Variants in CCDC81 observed in about 807,000 individuals in gnomAD.
CCDC81 encodes coiled-coil domain-containing protein 81.
Under a neutral mutation model 83.7 loss-of-function variants are expected in CCDC81, and 79 were observed. That is an observed-to-expected ratio of 0.94 (90% CI 0.79 to 1.14). The LOEUF (loss-of-function observed/expected upper bound fraction) is 1.14. Ranked by LOEUF, CCDC81 falls within the 50% of genes most tolerant of loss-of-function variation. The pLI is 0.00. For missense variants in CCDC81, 791 were observed against 778.1 expected (o/e 1.02, Z -0.20); for synonymous variants, 252 against 278.1 (o/e 0.91, Z 0.93).
Position 86,412,369 on chromosome 11 carries a change from G to C in CCDC81, c.1219-18G>C, listed in dbSNP as rs747811942. On this transcript the variant is annotated intron_variant, in intron 10 of 14. Coordinates refer to ENST00000445632, the MANE Select transcript of CCDC81 (RefSeq NM_001156474.2). ...TTCAGTACTCTAGCATAAATGAATT[G>C]CTTCTCTTTCATTCTAGAAATCCTT... The C allele has an allele frequency of 6.4e-7, 1 of 1,552,752 alleles. No individual in the cohort carries two copies. Among genetic ancestry groups the C allele is most frequent in the Non-Finnish European group, 8.7e-7 (1 of 1,149,554 alleles).
chr11:86,401,839 A>C (rs920932672), intron 7 of CCDC81, among the ~76,000 whole-genome samples: 5 of 152,194 alleles, frequency 3.3e-5, no homozygotes, highest in African/African-American at 1.2e-4. Context: ...TTCCTGTAGA[A>C]GTTAACCAAA....
intron 5 of CCDC81, among the ~76,000 whole-genome samples, chr11:86,395,995 G>A (rs1948404578): frequency 6.6e-6 from 1 of 152,100 alleles, no homozygotes; most frequent in Non-Finnish European, 1.5e-5. Flanking sequence ...CTTAGTCCCT[G>A]CAGTATTAGT....
intron 1 of CCDC81, 40 bp from the exon 2 acceptor site, chr11:86,386,008 GCGC>G: frequency 1.1e-6 from 1 of 936,754 alleles, no homozygotes; most frequent in South Asian, 1.4e-5. Flanking sequence ...TCACATGGGT[GCGC>G]ATATAAATTG....
chr11:86,415,432 GAAT>G (rs1948705733), intron 13 of CCDC81, 119 bp downstream of exon 13: 1 of 745,072 alleles, frequency 1.3e-6, no homozygotes, highest in Non-Finnish European at 2.2e-6. Flanking sequence ...GGAGAAATAA[GAAT>G]AATAGCTAAC....
At chr11:86,400,637 G>A (rs759760606) in intron 6 of CCDC81, 41 bp from the exon 7 acceptor site, 2 of 1,566,184 alleles carry the variant, frequency 1.3e-6, no homozygotes, top group Non-Finnish European at 1.7e-6. Flanking sequence ...TGGTTTGAGA[G>A]TTGAAAGGAG....
chr11:86,420,559 G>T (rs1163380272), intron 14 of CCDC81, among the ~76,000 whole-genome samples: 1 of 151,534 alleles, frequency 6.6e-6, no homozygotes, highest in Non-Finnish European at 1.5e-5. Flanking sequence ...ATTACATCTT[G>T]AAAAAAAATT....
chr11:86,380,577 G>T (rs928311954), intron 1 of CCDC81, among the ~76,000 whole-genome samples: 4 of 151,680 alleles, frequency 2.6e-5, no homozygotes, highest in Non-Finnish European at 5.9e-5. Context: ...CCCATTATGG[G>T]TACACACCTT....
At chr11:86,412,732 C>T (rs896818233) in intron 11 of CCDC81, among the ~76,000 whole-genome samples, 173 bp downstream of exon 11, 9 of 152,180 alleles carry the variant, frequency 5.9e-5, no homozygotes, top group Non-Finnish European at 1.2e-4. Context: ...TCGTCCCCCT[C>T]GCAGGGCATG....
At chr11:86,400,536 T>C in intron 6 of CCDC81, 142 bp from the exon 7 acceptor site, 1 of 837,268 alleles carries the variant, frequency 1.2e-6, no homozygotes, top group Non-Finnish European at 1.7e-6. Flanking sequence ...AAAACATTTT[T>C]TTATACCACA....
chr11:86,404,068 G>T (rs532519421), intron 7 of CCDC81, among the ~76,000 whole-genome samples: 2 of 151,958 alleles, frequency 1.3e-5, no homozygotes, highest in South Asian at 2.1e-4. Flanking sequence ...CGAGTTAGAG[G>T]ATTAAAAAAA....
In CCDC81 at chr11:86,392,688, A is replaced by C. The variant is rs1948350185; in HGVS notation, c.446A>C (p.Lys149Thr). ...AAACAAAATGTGGAGTTTACATTCAAAGGAATTGGGGTCCTCATGATCAGA... is the reference window on the plus strand; with the variant it reads ...AAACAAAATGTGGAGTTTACATTCACAGGAATTGGGGTCCTCATGATCAGA... Reference protein sequence around the residue: ...SMKQNVEFTFKGIGVLMIRDS... With the variant: ...SMKQNVEFTFTGIGVLMIRDS... The change falls in exon 4 of 15, where the codon AAA (lysine) becomes ACA (threonine). Residue 149 changes from lysine to threonine, a missense_variant. Coordinates refer to ENST00000445632, the MANE Select transcript of CCDC81 (RefSeq NM_001156474.2). The C allele has an allele frequency of 6.4e-7, 1 of 1,551,580 alleles. No individual in the cohort carries two copies. The highest frequency in any genetic ancestry group is 8.7e-7 in the Non-Finnish European group (1 of 1,146,978).
chr11:86,385,663 G>T (rs985429070), intron 1 of CCDC81, among the ~76,000 whole-genome samples: 1 of 152,294 alleles, frequency 6.6e-6, no homozygotes, highest in South Asian at 2.1e-4. Context: ...GAGAATGAAC[G>T]TTCTTATTAA....
intron 13 of CCDC81, among the ~76,000 whole-genome samples, chr11:86,415,631 C>T (rs1452186599): frequency 6.6e-6 from 1 of 152,302 alleles, no homozygotes; most frequent in East Asian, 1.9e-4. Context: ...TATGAGAGTT[C>T]TAGTCCTCCC....
At chr11:86,406,936 T>C (rs1948574041) in intron 7 of CCDC81, among the ~76,000 whole-genome samples, 1 of 152,202 alleles carries the variant, frequency 6.6e-6, no homozygotes, top group African/African-American at 2.4e-5. Flanking sequence ...CACCCCTAAT[T>C]CATCTCCCTC....
chr11:86,377,851 A>G (rs1948118175), intron 1 of CCDC81, among the ~76,000 whole-genome samples: 1 of 151,560 alleles, frequency 6.6e-6, no homozygotes. Context: ...ACCCAAGATC[A>G]TCTAAGTTTT....
chr11:86,420,153 C>A (rs981427093), intron 14 of CCDC81, 100 bp downstream of exon 14: 25 of 1,392,550 alleles, frequency 1.8e-5, no homozygotes, highest in South Asian at 5.6e-5. Flanking sequence ...GCCTAGAGAA[C>A]CTTGTGGAGA....
chr11:86,387,745 G>T, intron 3 of CCDC81, 73 bp downstream of exon 3: 1 of 1,063,072 alleles, frequency 9.4e-7, no homozygotes. Context: ...AGGGCAAAGC[G>T]TAGCCAGTGC....
intron 3 of CCDC81, among the ~76,000 whole-genome samples, chr11:86,390,680 A>C (rs555608032): frequency 1.3e-5 from 2 of 152,250 alleles, no homozygotes; most frequent in South Asian, 4.1e-4. Context: ...GTTAGGGCTT[A>C]AGTTGAGAGT....
chr11:86,375,148 C>T lies in CCDC81; in HGVS notation c.-16C>T, dbSNP rs766700254. On this transcript the variant is annotated 5_prime_UTR_variant, in exon 1 of 15. Transcript: ENST00000445632. ...ACCCATCGAACATTCAGTACGGAGTCACCTGGAAATTGGAGATGTTGGATA... is the reference window on the plus strand; with the variant it reads ...ACCCATCGAACATTCAGTACGGAGTTACCTGGAAATTGGAGATGTTGGATA... The T allele has an allele frequency of 9.9e-6, 16 of 1,610,970 alleles. No individual in the cohort carries two copies. The African/African-American group carries it at 2.0e-4, about 20-fold the overall frequency.
Sources: allele counts gnomAD v4.1 joint callset (sites outside exome capture counted in the v4.1 genomes callset), GRCh38; gene constraint gnomAD v4.1.1; transcripts MANE v1.5; gene names NCBI Gene and HGNC (gene_info 2026-07-23, HGNC 2026-07-21).